CACNA1A: variants seen among roughly 807,000 people sequenced by gnomAD.
CACNA1A encodes calcium voltage-gated channel subunit alpha1 A, also known as voltage-dependent P/Q-type calcium channel subunit alpha-1A.
CACNA1A carries 57 observed loss-of-function variants against 262.4 expected under a neutral mutation model. The ratio of observed to expected loss-of-function variants is 0.22; its 90% CI spans 0.18 to 0.27. CACNA1A has a LOEUF of 0.27. CACNA1A is among the 10% of genes least tolerant of loss of function. The pLI is 1.00. For synonymous variants in CACNA1A, 1,431 were observed against 1,419.3 expected, an observed-to-expected ratio of 1.01 and a Z score of -0.18; for missense variants, 2,526 against 3,562.8, an observed-to-expected ratio of 0.71 and a Z score of 7.41.
At chr19:13,492,792 C>T (rs1334838104) in intron 1 of CACNA1A, among the ~76,000 whole-genome samples, 1 of 152,168 alleles carries the variant, frequency 6.6e-6, no homozygotes, top group African/African-American at 2.4e-5. Flanking sequence ...CCTCCCTGCC[C>T]TCACGTCCTC....
chr19:13,477,843 G>A (rs1419939851), intron 1 of CACNA1A, among the ~76,000 whole-genome samples: 1 of 152,120 alleles, frequency 6.6e-6, no homozygotes, highest in African/African-American at 2.4e-5. Context: ...ATGCAACTGT[G>A]GTGGCTTTTC....
rs781749947 is a variant in CACNA1A, at chr19:13,208,866, C to T, written c.6670G>A (p.Asp2224Asn). The change falls in exon 46 of 47, where the codon GAC becomes AAC. Residue 2224 changes from aspartate to asparagine, a missense_variant. Coordinates refer to ENST00000360228, the MANE Select transcript of CACNA1A (RefSeq NM_001127222.2). ...HHHHHHPPPP[D>N]KDRYAQERPD... Reference sequence around the variant, plus strand: ...CGTTCCTGGGCATAGCGGTCCTTGTCGGGGGGCGGGGGATGGTGGTGGTGG... The same window carrying T: ...CGTTCCTGGGCATAGCGGTCCTTGTTGGGGGGCGGGGGATGGTGGTGGTGG... 9 of 998,056 alleles carry T rather than the reference C, an allele frequency of 9.0e-6. No individual in the cohort carries two copies. Among genetic ancestry groups the T allele is most frequent in the African/African-American group, 7.0e-5 (4 of 57,064 alleles). The allele number at this position is 998,056 out of a possible 1,614,324, so 61.8% of individuals were successfully genotyped here. A position where few individuals can be genotyped will look rare whatever the true frequency, so the allele number is the denominator to read the frequency against.
rs1251206725 is a variant in CACNA1A at position 13,276,959 on chromosome 19, G to A, written c.3882+110C>T. On this transcript the variant is annotated intron_variant, in intron 23 of 46. Coordinates refer to ENST00000360228, the MANE Select transcript of CACNA1A (RefSeq NM_001127222.2). ...CCTCCTGATCTCAAGTGATCTGCCT[G>A]CCTCAGCCTCCCAAAGTGCTGGGAT... The A allele has an allele frequency of 7.1e-6, 5 of 699,384 alleles. No individual in the cohort carries two copies. In the East Asian group the frequency reaches 1.2e-4, roughly 16 times the overall value. The allele number at this position is 699,384 out of a possible 1,614,324, so 43.3% of individuals were successfully genotyped here. A position where few individuals can be genotyped will look rare whatever the true frequency, so the allele number is the denominator to read the frequency against.
In CACNA1A at chr19:13,275,843, G is replaced by T. The variant is rs1420253303; in HGVS notation, c.3989+7C>A. On this transcript the variant is annotated splice_region_variant and intron_variant, in intron 24 of 46. Coordinates refer to ENST00000360228, the MANE Select transcript of CACNA1A (RefSeq NM_001127222.2). Reference sequence around the variant, plus strand: ...GAGGCAAGAGGAACCCTTGCGAGGAGACTTACGTGAAGGCAAAGGCTACCA... The same window carrying T: ...GAGGCAAGAGGAACCCTTGCGAGGATACTTACGTGAAGGCAAAGGCTACCA... 1.3e-6 allele frequency: 2 copies of T among 1,592,850 alleles called. No individual in the cohort carries two copies. The highest frequency in any genetic ancestry group is 1.1e-5 in the South Asian group (1 of 90,604).
Position 13,335,888 on chromosome 19 carries a change from T to C in CACNA1A, c.1000A>G (p.Thr334Ala), listed in dbSNP as rs748325708. Residue 334 changes from threonine to alanine, a missense_variant, in exon 7 of 47, where the codon ACT becomes GCT. Thr to Ala is a moderately conservative substitution (Grantham distance 58). This residue lies in a region of CACNA1A where 52 missense variants were observed against 124.0 expected (regional missense o/e 0.42). Coordinates refer to ENST00000360228, the MANE Select transcript of CACNA1A (RefSeq NM_001127222.2). ...GGGATGAAGTACAACCAGTTCCAAG[T>C]GTTCCCTGAGGCATCGTTGCTCTGT... is the stretch of plus-strand genomic sequence containing the variant. Reference protein sequence around the residue: ...LYNSNDASGNTWNWLYFIPLI... With the variant: ...LYNSNDASGNAWNWLYFIPLI... The C allele has an allele frequency of 6.2e-7, 1 of 1,606,922 alleles. No homozygotes were observed. The highest frequency in any genetic ancestry group is 1.7e-5 in the Admixed American group (1 of 58,952).
At chr19:13,405,660 A>G (rs1364333425) in intron 3 of CACNA1A, among the ~76,000 whole-genome samples, 1 of 152,180 alleles carries the variant, frequency 6.6e-6, no homozygotes, top group Non-Finnish European at 1.5e-5. Context: ...TCCCCATTGA[A>G]CAGATGAAAC....
In CACNA1A at chr19:13,207,925, G is replaced by A; in HGVS notation, c.6909C>T (p.Ile2303=). The change falls in exon 47 of 47, where the codon ATC becomes ATT. Residue 2303 remains isoleucine (I), a synonymous_variant. Transcript: ENST00000360228. The surrounding 1 kb of genome is among the most constrained non-coding windows in gnomAD (Gnocchi z 5.7). ...GGGGCCCCGAGCCGCCGGCCTTACGGATCACAGGGGAATAGGACACGTGTG... is the reference window on the plus strand; with the variant it reads ...GGGGCCCCGAGCCGCCGGCCTTACGAATCACAGGGGAATAGGACACGTGTG... ...PRPHVSYSPV[I]RKAGGSGPPQ... 7.0e-7 allele frequency: 1 copy of A among 1,438,590 alleles called. No homozygotes were observed. Among genetic ancestry groups the A allele is most frequent in the Non-Finnish European group, 9.1e-7 (1 of 1,099,232 alleles). 89.1% of individuals were successfully genotyped at this position (1,438,590 alleles called of 1,614,324 possible). A position where few individuals can be genotyped will look rare whatever the true frequency, so the allele number is the denominator to read the frequency against.
chr19:13,326,635 A>G (rs1326520466), intron 10 of CACNA1A, among the ~76,000 whole-genome samples: 1 of 151,726 alleles, frequency 6.6e-6, no homozygotes, highest in Non-Finnish European at 1.5e-5. Context: ...AAAAATATAA[A>G]AAACTTAGCT....
rs1462276059 is a variant in CACNA1A, at chr19:13,214,906, A to T, written c.5732-298T>A. The stretch of plus-strand genomic sequence containing the variant: ...ATCTTGTCTCCCAGTTATCGGCTGC[A>T]TGACTTAGGTTACTCTACCACTTAG... On this transcript the variant is annotated intron_variant, in intron 38 of 46. Transcript: ENST00000360228. This position sits in a 1 kb window ranked among gnomAD's most constrained non-coding sequence, Gnocchi z 4.1. 2 of 434,814 alleles carry T rather than the reference A, an allele frequency of 4.6e-6. No individual in the cohort carries two copies. The highest frequency in any genetic ancestry group is 7.7e-5 in the East Asian group (2 of 26,120). The allele number at this position is 434,814 out of a possible 1,614,324, so 26.9% of individuals were successfully genotyped here.
chr19:13,467,599 T>C (rs1003621417), intron 1 of CACNA1A, among the ~76,000 whole-genome samples: 2 of 136,876 alleles, frequency 1.5e-5, no homozygotes, highest in Non-Finnish European at 3.0e-5. Flanking sequence ...ACACTGACTT[T>C]TTCTTTTCTT....
intron 3 of CACNA1A, among the ~76,000 whole-genome samples, chr19:13,431,149 G>T (rs952592908): frequency 6.6e-6 from 1 of 151,998 alleles, no homozygotes; most frequent in African/African-American, 2.4e-5. Context: ...AGAGGAGCCA[G>T]GTCCTGACTC....
At chr19:13,482,751 C>A (rs1979487612) in intron 1 of CACNA1A, among the ~76,000 whole-genome samples, 1 of 152,202 alleles carries the variant, frequency 6.6e-6, no homozygotes, top group African/African-American at 2.4e-5. Context: ...GGGCTCCCAG[C>A]CCTCTGGCTT....
At chr19:13,311,462 T>C (rs1217620084) in intron 12 of CACNA1A, among the ~76,000 whole-genome samples, 1 of 152,254 alleles carries the variant, frequency 6.6e-6, no homozygotes, top group Non-Finnish European at 1.5e-5. Flanking sequence ...AGGGAAGGTT[T>C]GCTTGTTTGT....
intron 1 of CACNA1A, among the ~76,000 whole-genome samples, chr19:13,489,560 T>C (rs775461045): frequency 3.9e-5 from 6 of 152,182 alleles, no homozygotes; most frequent in African/African-American, 7.2e-5. Flanking sequence ...GCACAAGCCA[T>C]TGAGCCCAGC....
At chr19:13,314,901 T>C (rs1448802101) in intron 11 of CACNA1A, among the ~76,000 whole-genome samples, 3 of 152,204 alleles carry the variant, frequency 2.0e-5, no homozygotes, top group Admixed American at 2.0e-4. Flanking sequence ...AGAGGAAGTC[T>C]GTTTGTAACA....
At chr19:13,242,594 C>A (rs1236217083) in intron 31 of CACNA1A, among the ~76,000 whole-genome samples, 3 of 152,208 alleles carry the variant, frequency 2.0e-5, no homozygotes, top group African/African-American at 7.2e-5. Flanking sequence ...CCATGCCCGG[C>A]CTGTTGATGC....
chr19:13,389,492 G>T (rs2059675847), intron 3 of CACNA1A, among the ~76,000 whole-genome samples: 1 of 152,194 alleles, frequency 6.6e-6, no homozygotes. Context: ...TGTCTCCAGA[G>T]TGGCCTCCCT....
intron 1 of CACNA1A, among the ~76,000 whole-genome samples, chr19:13,476,692 G>A (rs1978584038): frequency 2.0e-5 from 3 of 151,948 alleles, no homozygotes; most frequent in Admixed American, 6.6e-5. Context: ...ACCTCAAAGT[G>A]GTAAATTTCA....
chr19:13,286,638 G>A lies in CACNA1A; in HGVS notation c.3418C>T (p.Pro1140Ser). 1 of 1,536,436 alleles carries A rather than the reference G, an allele frequency of 6.5e-7. No homozygotes were observed. Among genetic ancestry groups the A allele is most frequent in the Non-Finnish European group, 8.8e-7 (1 of 1,142,456 alleles). The part of the protein sequence containing the change: ...NPSNPGPPKT[P>S]ENSLIVTNPS... The stretch of plus-strand genomic sequence containing the variant: ...TTGGTGACGATAAGGCTATTCTCGG[G>A]GGTCTTGGGGGGGCCGGGATTGGAT... Residue 1140 changes from proline to serine, a missense_variant, in exon 20 of 47, where the codon CCC becomes TCC. This residue lies in a region of CACNA1A where 765 missense variants were observed against 748.6 expected (regional missense o/e 1.02). Transcript: ENST00000360228.
Sources: allele counts gnomAD v4.1 joint callset (sites outside exome capture counted in the v4.1 genomes callset), GRCh38; gene constraint gnomAD v4.1.1; regional missense constraint gnomAD v4.1.1; non-coding constraint Gnocchi (gnomAD v3.1); transcripts MANE v1.5; gene names NCBI Gene and HGNC (gene_info 2026-07-23, HGNC 2026-07-21).